NLRP4: variants seen among roughly 807,000 people sequenced by gnomAD.
NLRP4 encodes NACHT, LRR and PYD domains-containing protein 4.
Under a neutral mutation model 84.7 loss-of-function variants are expected in NLRP4, and 44 were observed. That is an observed-to-expected ratio of 0.52 (90% CI 0.41 to 0.67). The LOEUF (loss-of-function observed/expected upper bound fraction) is 0.67, where lower values mean the gene tolerates loss of function less well. Among genes scored for constraint, NLRP4 ranks in the 30% least tolerant of loss-of-function variants. The pLI is 0.00. For synonymous variants in NLRP4, 544 were observed against 476.4 expected (o/e 1.14, Z -1.85); for missense variants, 1,260 against 1,219.4 (o/e 1.03, Z -0.50).
In NLRP4 at chr19:55,858,994, G is replaced by A. The variant is rs201948972; in HGVS notation, c.1601G>A (p.Cys534Tyr). Residue 534 changes from cysteine (C) to tyrosine (Y), a missense_variant, in exon 3 of 10, where the codon TGC becomes TAC. Cys to Tyr is a radical substitution (Grantham distance 194). Coordinates refer to ENST00000301295, the MANE Select transcript of NLRP4 (RefSeq NM_134444.5). This position sits in a 1 kb window ranked among gnomAD's most constrained non-coding sequence, Gnocchi z 4.2. The part of the protein sequence containing the change: ...SQEIKQQIHQ[C>Y]LKSLGERGNP... ...GAGATAAAGCAGCAAATTCACCAGT[G>A]CCTGAAGAGCTTAGGGGAGCGTGGC... The A allele has an allele frequency of 6.2e-6, 10 of 1,614,198 alleles. No homozygotes were observed. In the East Asian group the frequency reaches 6.7e-5, roughly 11 times the overall value.
At chr19:55,880,433 C>T (rs948425060) in intron 9 of NLRP4, among the ~76,000 whole-genome samples, 1 of 152,224 alleles carries the variant, frequency 6.6e-6, no homozygotes, top group Non-Finnish European at 1.5e-5. Context: ...GGCATTTGTC[C>T]TCTTTGATTA....
chr19:55,879,507 A>C (rs1985506231), intron 9 of NLRP4, among the ~76,000 whole-genome samples: 1 of 150,134 alleles, frequency 6.7e-6, no homozygotes, highest in Non-Finnish European at 1.5e-5. Flanking sequence ...GTCTTTTATT[A>C]AGCAGGCAGG....
Position 55,849,788 on chromosome 19 carries a change from C to T in NLRP4, c.-65-2228C>T, listed in dbSNP as rs1983942853. Among the ~76,000 whole-genome samples the T allele has an allele frequency of 3.4e-5, 5 of 145,124 alleles. No individual in the cohort carries two copies. In the South Asian group the frequency reaches 1.1e-3, roughly 31 times the overall value. ...AATTTCTGTAGCTGCGGTGTAATTT[C>T]CAAAGCTGCGGTGTAATTTCCAAAG... is the stretch of plus-strand genomic sequence containing the variant. On this transcript the variant is annotated intron_variant, in intron 1 of 9. Transcript: ENST00000301295.
chr19:55,877,694 T>A (rs562718451), intron 8 of NLRP4, among the ~76,000 whole-genome samples: 1,848 of 152,280 alleles, frequency 0.012, 43 homozygotes, highest in African/African-American at 0.042. Context: ...AGGGAGAATC[T>A]GCTTCAGGCC....
At chr19:55,840,621 A>T (rs1983577386) in intron 1 of NLRP4, among the ~76,000 whole-genome samples, 1 of 152,090 alleles carries the variant, frequency 6.6e-6, no homozygotes, top group South Asian at 2.1e-4. Context: ...GCTGGTCTAG[A>T]TCTCCTGACC....
intron 9 of NLRP4, among the ~76,000 whole-genome samples, chr19:55,879,219 C>G (rs1985495356): frequency 6.6e-6 from 1 of 151,964 alleles, no homozygotes; most frequent in South Asian, 2.1e-4. Flanking sequence ...GTTCATTGTC[C>G]CAGGGCCGTG....
intron 1 of NLRP4, among the ~76,000 whole-genome samples, chr19:55,841,284 C>T (rs1008080067): frequency 6.6e-6 from 1 of 152,162 alleles, no homozygotes; most frequent in African/African-American, 2.4e-5. Context: ...TCTCCCGTTA[C>T]TCTCCCATCC....
rs774745679 is a variant in NLRP4, at chr19:55,858,970, A to C, written c.1577A>C (p.Glu526Ala). 2 of 1,614,208 alleles carry C rather than the reference A, an allele frequency of 1.2e-6. No homozygotes were observed. The highest frequency in any genetic ancestry group is 4.5e-5 in the East Asian group (2 of 44,884). The change falls in exon 3 of 10, where the codon GAG becomes GCG. Residue 526 changes from glutamate (E) to alanine (A), a missense_variant. By Grantham distance (107) the Glu-to-Ala change is moderately radical. Coordinates refer to ENST00000301295, the MANE Select transcript of NLRP4 (RefSeq NM_134444.5). The surrounding 1 kb of genome is among the most constrained non-coding windows in gnomAD (Gnocchi z 4.2). ...DAFFGFQLSQEIKQQIHQCLK... is the reference protein window; with the variant it reads ...DAFFGFQLSQAIKQQIHQCLK... The stretch of plus-strand genomic sequence containing the variant: ...TTTTTTGGCTTCCAACTGTCCCAAG[A>C]GATAAAGCAGCAAATTCACCAGTGC...
chr19:55,878,703 G>T (rs973580653), intron 8 of NLRP4, 91 bp from the exon 9 acceptor site: 1 of 1,099,698 alleles, frequency 9.1e-7, no homozygotes, highest in Non-Finnish European at 1.3e-6. Flanking sequence ...GAGGCAATGG[G>T]GTGTGCCTCA....
chr19:55,875,780 G>A (rs977558326), intron 7 of NLRP4, among the ~76,000 whole-genome samples: 11 of 151,932 alleles, frequency 7.2e-5, no homozygotes, highest in African/African-American at 2.7e-4. Context: ...TGTAATCTCA[G>A]CACTTTGGGA....
chr19:55,857,828 G>A lies in NLRP4; in HGVS notation c.435G>A (p.Gly145=), dbSNP rs775033164. ...GCCTTTTTGCTCCCAAGGAAGCTGGGAAACAGCCACGTACAGTGATCATTC... is the reference window on the plus strand; with the variant it reads ...GCCTTTTTGCTCCCAAGGAAGCTGGAAAACAGCCACGTACAGTGATCATTC... The part of the protein sequence containing the change: ...LDRLFAPKEA[G]KQPRTVIIQG... Residue 145 remains glycine, a synonymous_variant, in exon 3 of 10, where the codon GGG becomes GGA. Coordinates refer to ENST00000301295, the MANE Select transcript of NLRP4 (RefSeq NM_134444.5). The A allele has an allele frequency of 1.2e-6, 2 of 1,614,084 alleles. No individual in the cohort carries two copies. The highest frequency in any genetic ancestry group is 4.5e-5 in the East Asian group (2 of 44,878).
At chr19:55,856,486 G>C (rs143658473) in intron 2 of NLRP4, among the ~76,000 whole-genome samples, 1 of 151,616 alleles carries the variant, frequency 6.6e-6, no homozygotes, top group African/African-American at 2.4e-5. Context: ...GGATGCGTAG[G>C]GCTTGGTCAT....
chr19:55,849,853 A>AATTTCCGTGG (rs1983956475), intron 1 of NLRP4, among the ~76,000 whole-genome samples: 3 of 71,386 alleles, frequency 4.2e-5, no homozygotes, highest in African/African-American at 1.9e-4. Flanking sequence ...AATTTCCGAG[A>AATTTCCGTGG]CTGCGGTGTA....
chr19:55,872,961 G>T (rs1038020774), intron 7 of NLRP4, among the ~76,000 whole-genome samples: 5 of 152,178 alleles, frequency 3.3e-5, no homozygotes, highest in African/African-American at 1.2e-4. Flanking sequence ...AGACTTGGGT[G>T]AAGAGTAATA....
chr19:55,854,036 C>T (rs187614178), intron 2 of NLRP4, among the ~76,000 whole-genome samples: 3 of 152,100 alleles, frequency 2.0e-5, no homozygotes, highest in Admixed American at 2.0e-4. Context: ...GTGGTGCAAT[C>T]TCGGCCCACT....
intron 1 of NLRP4, among the ~76,000 whole-genome samples, chr19:55,841,138 A>G (rs1044971725): frequency 6.6e-6 from 1 of 152,210 alleles, no homozygotes; most frequent in African/African-American, 2.4e-5. Context: ...ATTTCTTTGT[A>G]GTGATACTCA....
chr19:55,868,470 G>A (rs555436655), intron 6 of NLRP4, among the ~76,000 whole-genome samples: 2 of 151,666 alleles, frequency 1.3e-5, no homozygotes, highest in Admixed American at 1.3e-4. Context: ...ATACAAAAGG[G>A]GAGAGGACAG....
rs558111169 is a variant in NLRP4 at position 55,846,839 on chromosome 19, C to A, written c.-65-5177C>A. 2.0e-5 allele frequency among the ~76,000 whole-genome samples: 3 copies of A among 152,272 alleles called. No homozygotes were observed. The East Asian group carries it at 5.8e-4, about 29-fold the overall frequency. ...GGCTTTTTAAGACTATTGGCAAAAG[C>A]ACGCAGGGGAGAAGCCATGAAGGTC... On this transcript the variant is annotated intron_variant, in intron 1 of 9. Transcript: ENST00000301295.
intron 6 of NLRP4, among the ~76,000 whole-genome samples, chr19:55,868,395 GAGTA>G (rs1405020941): frequency 2.0e-5 from 3 of 152,086 alleles, no homozygotes; most frequent in Non-Finnish European, 4.4e-5. Context: ...GAAGACAGAT[GAGTA>G]AGTGTTAAAG....
Sources: gnomAD v4.1 joint callset for allele counts (sites outside exome capture counted in the v4.1 genomes callset) on GRCh38, gnomAD v4.1.1 for gene constraint, Gnocchi (gnomAD v3.1) non-coding constraint, MANE v1.5 for transcripts, NCBI Gene and HGNC (gene_info 2026-07-23, HGNC 2026-07-21) for gene names.